Variants in MTUS2 observed in about 807,000 individuals in gnomAD.
MTUS2 encodes microtubule associated scaffold protein 2, also known as microtubule-associated tumor suppressor candidate 2.
A neutral mutation model predicts 114.1 loss-of-function variants in MTUS2; 40 were observed. The ratio of observed to expected loss-of-function variants is 0.35; its 90% confidence interval spans 0.27 to 0.46. The LOEUF (loss-of-function observed/expected upper bound fraction) is 0.46, where lower values mean the gene tolerates loss of function less well. Ranked by LOEUF, MTUS2 falls within the 20% of genes least tolerant of loss-of-function variation. The pLI is 1.00. For synonymous variants in MTUS2, 688 were observed against 672.0 expected, an observed-to-expected ratio of 1.02 and a Z score of -0.37; for missense variants, 1,679 against 1,705.4, an observed-to-expected ratio of 0.98 and a Z score of 0.27.
At chr13:29,152,702 GAGAGAGAGAAATC>G (rs1315243792) in intron 5 of MTUS2, among the ~76,000 whole-genome samples, 1 of 151,984 alleles carries the variant, frequency 6.6e-6, no homozygotes, top group African/African-American at 2.4e-5. Context: ...TGGCTTCCCC[GAGAGAGAGAAATC>G]AGAGAGAGAG....
rs971605856 is a variant in MTUS2, at chr13:28,942,403, T to C, written c.-242-82054T>C. Among the ~76,000 whole-genome samples, 10 of 152,350 alleles carry C rather than the reference T, an allele frequency of 6.6e-5. No individual in the cohort carries two copies. In the South Asian group the frequency reaches 1.2e-3, roughly 19 times the overall value. On this transcript the variant is annotated intron_variant, in intron 2 of 15. Coordinates refer to ENST00000612955, the MANE Select transcript of MTUS2 (RefSeq NM_001033602.4). ...TGGAATGTGTATTTGTACACCAGTT[T>C]GTAAAGCTGTTAGTTAAATATTATT... is the stretch of plus-strand genomic sequence containing the variant.
In MTUS2 at chr13:29,270,369, A is replaced by G. The variant is rs533357997; in HGVS notation, c.2645-11335A>G. Among the ~76,000 whole-genome samples the G allele has an allele frequency of 6.6e-5, 10 of 152,290 alleles. No homozygotes were observed. The South Asian group carries it at 2.1e-3, about 32-fold the overall frequency. Reference sequence around the variant, plus strand: ...AAGGGAGGTCTCAGACGCGGTGGACAGCATCCTCTGCCGCATGCCTGTCAC... The same window carrying G: ...AAGGGAGGTCTCAGACGCGGTGGACGGCATCCTCTGCCGCATGCCTGTCAC... On this transcript the variant is annotated intron_variant, in intron 5 of 15. Transcript: ENST00000612955.
At chr13:29,218,864 G>A (rs1229918625) in intron 5 of MTUS2, among the ~76,000 whole-genome samples, 2 of 151,844 alleles carry the variant, frequency 1.3e-5, no homozygotes, top group South Asian at 2.1e-4. Flanking sequence ...AGGCACAGAC[G>A]ATTTAGCATA....
Position 29,503,630 on chromosome 13 carries a change from CAT to C in MTUS2, c.*427_*428del, listed in dbSNP as rs1883059043. ...CATTTTTTATAACATGAAGTGCTGA[CAT>C]ATTTTAGTGAAGGTCAGCAGTTTTC... On this transcript the variant is annotated 3_prime_UTR_variant, in exon 16 of 16. Transcript: ENST00000612955. The C allele has an allele frequency of 4.1e-6, 1 of 245,408 alleles. No individual in the cohort carries two copies. Among genetic ancestry groups the C allele is most frequent in the African/African-American group, 2.2e-5 (1 of 45,596 alleles). The allele number at this position is 245,408 out of a possible 1,614,324, so 15.2% of individuals were successfully genotyped here.
chr13:28,849,985 A>G (rs549145005), intron 2 of MTUS2, among the ~76,000 whole-genome samples: 1 of 152,274 alleles, frequency 6.6e-6, no homozygotes, highest in South Asian at 2.1e-4. Flanking sequence ...ATTCCATTCT[A>G]TAGAAACCTC....
intron 5 of MTUS2, among the ~76,000 whole-genome samples, chr13:29,146,000 A>G (rs1426656677): frequency 1.3e-5 from 2 of 152,138 alleles, no homozygotes; most frequent in Non-Finnish European, 2.9e-5. Context: ...TGTGCCTACT[A>G]TTGTTATATG....
intron 7 of MTUS2, among the ~76,000 whole-genome samples, chr13:29,346,883 A>G (rs912489803): frequency 4.7e-5 from 7 of 149,684 alleles, no homozygotes; most frequent in African/African-American, 1.7e-4. Flanking sequence ...CAGCTCTCTA[A>G]ATTTGTCTTA....
At chr13:29,015,624 G>A (rs900851243) in intron 2 of MTUS2, among the ~76,000 whole-genome samples, 1 of 152,200 alleles carries the variant, frequency 6.6e-6, no homozygotes, top group Admixed American at 6.5e-5. Context: ...GTGTCATAAA[G>A]TTGTGCATTC....
At chr13:28,946,103 T>C (rs1882511282) in intron 2 of MTUS2, among the ~76,000 whole-genome samples, 1 of 152,222 alleles carries the variant, frequency 6.6e-6, no homozygotes, top group South Asian at 2.1e-4. Context: ...ATAACAATGG[T>C]AATCTGTAAG....
intron 5 of MTUS2, among the ~76,000 whole-genome samples, chr13:29,204,763 A>G (rs1029293362): frequency 5.9e-5 from 9 of 152,134 alleles, no homozygotes; most frequent in African/African-American, 2.2e-4. Flanking sequence ...AAGTTTCCGA[A>G]GTCTGCAGCC....
chr13:28,836,249 G>A (rs1025285771), intron 1 of MTUS2, among the ~76,000 whole-genome samples: 1 of 152,032 alleles, frequency 6.6e-6, no homozygotes, highest in African/African-American at 2.4e-5. Flanking sequence ...CATACTTACA[G>A]CACGTCTCAG....
chr13:29,096,913 T>C (rs1890201165), intron 4 of MTUS2, among the ~76,000 whole-genome samples: 1 of 152,120 alleles, frequency 6.6e-6, no homozygotes, highest in South Asian at 2.1e-4. Flanking sequence ...GCCCCAGTAT[T>C]GTTTGGCTTG....
chr13:29,394,134 T>C (rs3125712), intron 8 of MTUS2, among the ~76,000 whole-genome samples: 146,050 of 152,274 alleles, frequency 0.96, 70,354 homozygotes, highest in East Asian at 1. Flanking sequence ...AAGTCAAACT[T>C]TATAAAATAT....
chr13:29,117,753 C>T (rs149540345), intron 5 of MTUS2, among the ~76,000 whole-genome samples: 23 of 152,242 alleles, frequency 1.5e-4, no homozygotes, highest in East Asian at 9.7e-4. Flanking sequence ...CAGCTGCAGC[C>T]GTCAACTGCC....
chr13:29,029,295 A>T (rs17072560), intron 3 of MTUS2, among the ~76,000 whole-genome samples: 4,233 of 152,280 alleles, frequency 0.028, 171 homozygotes, highest in African/African-American at 0.094. Flanking sequence ...CATCTTGTTT[A>T]TAAGTGGCTT....
chr13:29,087,740 T>A (rs7334488), intron 4 of MTUS2, among the ~76,000 whole-genome samples: 98,239 of 152,034 alleles, frequency 0.65, 32,832 homozygotes, highest in Non-Finnish European at 0.74. Flanking sequence ...CCAGTTCCTC[T>A]GGGTATAATG....
intron 8 of MTUS2, among the ~76,000 whole-genome samples, chr13:29,368,091 A>T (rs1258348424): frequency 1.3e-5 from 2 of 151,918 alleles, no homozygotes; most frequent in Non-Finnish European, 2.9e-5. Context: ...GGTGCCTGCC[A>T]CCGCACCCGG....
At chr13:29,154,011 C>A (rs1164264583) in intron 5 of MTUS2, among the ~76,000 whole-genome samples, 1 of 152,056 alleles carries the variant, frequency 6.6e-6, no homozygotes, top group African/African-American at 2.4e-5. Context: ...TCTACTTGTC[C>A]CTGTTCAGAA....
intron 2 of MTUS2, among the ~76,000 whole-genome samples, chr13:28,921,722 T>G (rs1295369935): frequency 6.6e-6 from 1 of 152,174 alleles, no homozygotes; most frequent in Non-Finnish European, 1.5e-5. Flanking sequence ...GGATGGGTGG[T>G]TCCTCTCTGG....
Sources: allele counts gnomAD v4.1 joint callset (sites outside exome capture counted in the v4.1 genomes callset), GRCh38; gene constraint gnomAD v4.1.1; transcripts MANE v1.5; gene names NCBI Gene and HGNC (gene_info 2026-07-23, HGNC 2026-07-21).